LYPD6B: variants seen among roughly 807,000 people sequenced by gnomAD.
LYPD6B encodes the protein ly6/PLAUR domain-containing protein 6B.
In LYPD6B, 17 loss-of-function variants were observed where a neutral mutation model predicts 22.8. The observed-to-expected ratio is 0.75, with a 90% confidence interval of 0.51 to 1.12. The LOEUF is 1.12. Among genes scored for constraint, LYPD6B ranks in the 50% most tolerant of loss-of-function variants. The pLI, the probability that LYPD6B is intolerant of heterozygous loss-of-function variation, is 0.00. For synonymous variants in LYPD6B, 106 were observed against 91.6 expected (o/e 1.16, Z -0.90); for missense variants, 221 against 258.3 (o/e 0.86, Z 0.99).
chr2:149,088,222 T>C (rs1273162804), intron 1 of LYPD6B, among the ~76,000 whole-genome samples: 1 of 152,154 alleles, frequency 6.6e-6, no homozygotes, highest in Non-Finnish European at 1.5e-5. Flanking sequence ...CTAAGACATC[T>C]AGAAAACAGA....
chr2:149,182,629 G>A (rs1691820712), intron 3 of LYPD6B, among the ~76,000 whole-genome samples: 1 of 152,192 alleles, frequency 6.6e-6, no homozygotes, highest in African/African-American at 2.4e-5. Context: ...AATGAGTCCA[G>A]CTGTCAGTCC....
intron 3 of LYPD6B, among the ~76,000 whole-genome samples, chr2:149,171,337 A>T (rs906117921): frequency 5.9e-5 from 9 of 152,018 alleles, no homozygotes; most frequent in Non-Finnish European, 1.3e-4. Flanking sequence ...CATTTTAATG[A>T]TTTATTTTCT....
intron 5 of LYPD6B, among the ~76,000 whole-genome samples, chr2:149,210,538 G>A (rs777248028): frequency 1.3e-5 from 2 of 152,098 alleles, no homozygotes; most frequent in South Asian, 2.1e-4. Context: ...ACCATTTCTC[G>A]GGGCAAATAG....
intron 3 of LYPD6B, among the ~76,000 whole-genome samples, chr2:149,181,516 C>A (rs1211999659): frequency 6.6e-6 from 1 of 152,194 alleles, no homozygotes; most frequent in Non-Finnish European, 1.5e-5. Flanking sequence ...AACCCAGACT[C>A]TTTGCCTCCC....
intron 1 of LYPD6B, among the ~76,000 whole-genome samples, chr2:149,051,327 G>C (rs1266271405): frequency 6.6e-6 from 1 of 151,930 alleles, no homozygotes; most frequent in Non-Finnish European, 1.5e-5. Context: ...ACCACGCCCG[G>C]CTAATTTTTT....
intron 1 of LYPD6B, among the ~76,000 whole-genome samples, chr2:149,127,444 G>A (rs775840950): frequency 4.6e-5 from 7 of 152,132 alleles, no homozygotes; most frequent in Non-Finnish European, 7.3e-5. Context: ...CCCAAGTCTC[G>A]GGTTCAGCTG....
At chr2:149,131,314 C>T in intron 2 of LYPD6B, 1 of 218,674 alleles carries the variant, frequency 4.6e-6, no homozygotes, top group Non-Finnish European at 8.9e-6. Flanking sequence ...GGCTTTGAGT[C>T]CTAATCTTGT....
chr2:149,060,401 A>G (rs1427046242), intron 1 of LYPD6B, among the ~76,000 whole-genome samples: 4 of 152,208 alleles, frequency 2.6e-5, no homozygotes, highest in African/African-American at 9.6e-5. Flanking sequence ...TAACTACAGC[A>G]CATACAAAAA....
intron 1 of LYPD6B, among the ~76,000 whole-genome samples, chr2:149,047,008 T>C (rs902008087): frequency 5.3e-5 from 8 of 152,242 alleles, no homozygotes; most frequent in Non-Finnish European, 1.0e-4. Flanking sequence ...AGTTCATTGG[T>C]TATGCTAAAA....
At chr2:149,085,870 C>T (rs1685364727) in intron 1 of LYPD6B, among the ~76,000 whole-genome samples, 2 of 141,388 alleles carry the variant, frequency 1.4e-5, no homozygotes, top group South Asian at 4.5e-4. Context: ...GAAGAATGAT[C>T]ACAGACTAGT....
intron 1 of LYPD6B, among the ~76,000 whole-genome samples, chr2:149,051,101 CAT>C (rs1463431896): frequency 1.3e-5 from 2 of 151,784 alleles, no homozygotes; most frequent in African/African-American, 4.8e-5. Context: ...CATTACAACT[CAT>C]GTTTAAAACA....
chr2:149,177,824 C>T (rs1231230996), intron 3 of LYPD6B, among the ~76,000 whole-genome samples: 2 of 146,130 alleles, frequency 1.4e-5, no homozygotes, highest in Non-Finnish European at 3.0e-5. Context: ...CACTGTATCC[C>T]TTCTGCAAGA....
intron 3 of LYPD6B, among the ~76,000 whole-genome samples, chr2:149,201,395 T>A (rs562889986): frequency 6.6e-6 from 1 of 152,284 alleles, no homozygotes; most frequent in South Asian, 2.1e-4. Flanking sequence ...AAATATAAGC[T>A]CTATTGTGAC....
At chr2:149,179,897 A>T (rs964204230) in intron 3 of LYPD6B, among the ~76,000 whole-genome samples, 10 of 152,220 alleles carry the variant, frequency 6.6e-5, no homozygotes, top group African/African-American at 2.4e-4. Context: ...AAATCGTTCA[A>T]CCTAAGTTAA....
chr2:149,114,966 G>A (rs1686929885), intron 1 of LYPD6B, among the ~76,000 whole-genome samples: 1 of 152,088 alleles, frequency 6.6e-6, no homozygotes, highest in Non-Finnish European at 1.5e-5. Context: ...TTGAGATGGA[G>A]TCTCGCTCTG....
intron 1 of LYPD6B, among the ~76,000 whole-genome samples, chr2:149,045,507 T>G (rs1023856778): frequency 1.3e-5 from 2 of 152,056 alleles, no homozygotes; most frequent in Non-Finnish European, 2.9e-5. Context: ...ATATTACTGA[T>G]TTTTGTTTTA....
intron 2 of LYPD6B, among the ~76,000 whole-genome samples, chr2:149,152,481 G>C (rs933750627): frequency 2.0e-5 from 3 of 152,188 alleles, no homozygotes; most frequent in African/African-American, 7.2e-5. Context: ...GGACAAGTGG[G>C]AATGTAGCTC....
intron 1 of LYPD6B, among the ~76,000 whole-genome samples, chr2:149,083,711 G>T (rs565109756): frequency 6.6e-6 from 1 of 152,110 alleles, no homozygotes; most frequent in Non-Finnish European, 1.5e-5. Context: ...TGTGAAGTTC[G>T]TATGGCACGA....
chr2:149,129,500 C>T (rs754531922), intron 1 of LYPD6B, among the ~76,000 whole-genome samples: 12 of 152,202 alleles, frequency 7.9e-5, no homozygotes, highest in Non-Finnish European at 1.8e-4. Flanking sequence ...GCAGTGAACT[C>T]CTTCCTGCTG....
Sources: allele counts gnomAD v4.1 joint callset (sites outside exome capture counted in the v4.1 genomes callset), GRCh38; gene constraint gnomAD v4.1.1; transcripts MANE v1.5; gene names NCBI Gene and HGNC (gene_info 2026-07-23, HGNC 2026-07-21).